Variants in CAMK2D observed in about 807,000 individuals in gnomAD.
CAMK2D encodes calcium/calmodulin dependent protein kinase II delta.
CAMK2D carries 37 observed loss-of-function variants against 84.0 expected under a neutral mutation model. The ratio of observed to expected loss-of-function variants is 0.44; its 90% CI spans 0.34 to 0.58. The LOEUF (loss-of-function observed/expected upper bound fraction) is 0.58, where lower values mean the gene tolerates loss of function less well. Among genes scored for constraint, CAMK2D ranks in the 20% least tolerant of loss-of-function variants. The pLI is 0.02. For missense variants in CAMK2D, 448 were observed against 652.5 expected (o/e 0.69, Z 3.41); for synonymous variants, 202 against 212.5 (o/e 0.95, Z 0.43).
At chr4:113,497,376 A>T (rs2097951610) in intron 16 of CAMK2D, among the ~76,000 whole-genome samples, 2 of 152,244 alleles carry the variant, frequency 1.3e-5, no homozygotes, top group Non-Finnish European at 2.9e-5. Flanking sequence ...GACACAATTC[A>T]AAAGTATTAC....
At chr4:113,755,656 T>C (rs1479861836) in intron 2 of CAMK2D, among the ~76,000 whole-genome samples, 1 of 148,630 alleles carries the variant, frequency 6.7e-6, no homozygotes, top group Non-Finnish European at 1.5e-5. Context: ...TTATCTGCCA[T>C]CAGAACCATC....
intron 4 of CAMK2D, among the ~76,000 whole-genome samples, chr4:113,566,459 A>C (rs1026463592): frequency 2.0e-5 from 3 of 152,170 alleles, no homozygotes; most frequent in African/African-American, 7.2e-5. Flanking sequence ...ATCCCTTGCC[A>C]CACTGCAGCA....
At chr4:113,515,855 T>C (rs2098277344) in intron 9 of CAMK2D, among the ~76,000 whole-genome samples, 2 of 152,232 alleles carry the variant, frequency 1.3e-5, no homozygotes, top group East Asian at 3.8e-4. Context: ...TCAAATCTTA[T>C]AACTTCCCAT....
intron 4 of CAMK2D, among the ~76,000 whole-genome samples, chr4:113,561,492 G>A (rs1440070855): frequency 6.6e-6 from 1 of 151,968 alleles, no homozygotes; most frequent in Admixed American, 6.6e-5. Flanking sequence ...AAATAAAAAG[G>A]CTTACAAAAG....
intron 17 of CAMK2D, among the ~76,000 whole-genome samples, chr4:113,461,964 T>TGG (rs981681954): frequency 1.2e-4 from 18 of 152,204 alleles, no homozygotes; most frequent in Non-Finnish European, 1.5e-5. Flanking sequence ...TTAAAGATGA[T>TGG]GGGGGCAAGG....
At chr4:113,687,265 T>C (rs546203452) in intron 2 of CAMK2D, among the ~76,000 whole-genome samples, 5 of 152,238 alleles carry the variant, frequency 3.3e-5, no homozygotes, top group Non-Finnish European at 7.3e-5. Context: ...GTAACCTTTT[T>C]ATATGTTCCC....
At chr4:113,753,838 C>A (rs578045813) in intron 2 of CAMK2D, 3 of 984,242 alleles carry the variant, frequency 3.0e-6, no homozygotes, top group Non-Finnish European at 3.6e-6. Context: ...TTATAGCTTT[C>A]AAAATTTCTT....
intron 16 of CAMK2D, among the ~76,000 whole-genome samples, chr4:113,485,468 G>C (rs1371870024): frequency 1.3e-5 from 2 of 152,114 alleles, no homozygotes; most frequent in Non-Finnish European, 2.9e-5. Flanking sequence ...CTACAAACTT[G>C]ATCTAGACTC....
chr4:113,570,619 T>C (rs1169680525), intron 4 of CAMK2D, among the ~76,000 whole-genome samples: 9 of 152,136 alleles, frequency 5.9e-5, no homozygotes, highest in Non-Finnish European at 1.2e-4. Flanking sequence ...AAATTAGACA[T>C]TCATATTACA....
At chr4:113,495,443 C>T (rs2097915483) in intron 16 of CAMK2D, among the ~76,000 whole-genome samples, 1 of 152,172 alleles carries the variant, frequency 6.6e-6, no homozygotes, top group Non-Finnish European at 1.5e-5. Flanking sequence ...TAGGAAATCC[C>T]ACACAGAAAA....
At chr4:113,584,121 G>T (rs957338774) in intron 4 of CAMK2D, among the ~76,000 whole-genome samples, 1 of 152,160 alleles carries the variant, frequency 6.6e-6, no homozygotes, top group African/African-American at 2.4e-5. Flanking sequence ...AGTAAAAGGT[G>T]TTTCTTATCT....
intron 3 of CAMK2D, among the ~76,000 whole-genome samples, chr4:113,637,528 A>G (rs1447140873): frequency 1.3e-5 from 2 of 152,118 alleles, no homozygotes; most frequent in Admixed American, 6.5e-5. Context: ...CTGTGGTTTC[A>G]TTTGTATTTG....
At chr4:113,547,593 C>T in intron 6 of CAMK2D, 51 bp downstream of exon 6, 1 of 1,181,646 alleles carries the variant, frequency 8.5e-7, no homozygotes, top group Non-Finnish European at 1.2e-6. Context: ...TGCAGCTGAA[C>T]AGTCATTAGG....
intron 2 of CAMK2D, among the ~76,000 whole-genome samples, chr4:113,675,029 A>C (rs1283330445): frequency 6.6e-6 from 1 of 152,214 alleles, no homozygotes; most frequent in Non-Finnish European, 1.5e-5. Context: ...GCTAACATCC[A>C]TGCGTGCATA....
intron 3 of CAMK2D, among the ~76,000 whole-genome samples, chr4:113,656,002 C>T (rs1261870642): frequency 6.6e-6 from 1 of 152,024 alleles, no homozygotes; most frequent in Non-Finnish European, 1.5e-5. Context: ...TATTTCAATA[C>T]CTGAAAGGTA....
intron 4 of CAMK2D, among the ~76,000 whole-genome samples, chr4:113,561,964 G>T (rs1258374271): frequency 6.6e-6 from 1 of 152,142 alleles, no homozygotes; most frequent in African/African-American, 2.4e-5. Context: ...ATGGTTTATT[G>T]TATGTGTGCC....
At chr4:113,574,461 G>T (rs527290487) in intron 4 of CAMK2D, among the ~76,000 whole-genome samples, 1 of 152,144 alleles carries the variant, frequency 6.6e-6, no homozygotes, top group Non-Finnish European at 1.5e-5. Flanking sequence ...AGAATAGTGG[G>T]ATAATCTTTC....
chr4:113,628,729 T>C (rs2099077596), intron 3 of CAMK2D, among the ~76,000 whole-genome samples: 1 of 151,992 alleles, frequency 6.6e-6, no homozygotes, highest in Admixed American at 6.6e-5. Flanking sequence ...CTGTTGATGG[T>C]AAAGGTAATT....
intron 17 of CAMK2D, among the ~76,000 whole-genome samples, chr4:113,463,791 A>G (rs1426453754): frequency 1.3e-5 from 2 of 152,224 alleles, no homozygotes; most frequent in African/African-American, 4.8e-5. Context: ...GAAACTCAAC[A>G]TAACCATTGT....
Sources: gnomAD v4.1 joint callset for allele counts (sites outside exome capture counted in the v4.1 genomes callset) on GRCh38, gnomAD v4.1.1 for gene constraint, MANE v1.5 for transcripts, NCBI Gene and HGNC (gene_info 2026-07-23, HGNC 2026-07-21) for gene names.